The following MFHAS1 variants were observed in gnomAD, a reference collection of about 807,000 sequenced individuals.
The protein encoded by MFHAS1 is multifunctional ROCO family signaling regulator 1.
A neutral mutation model predicts 70.4 loss-of-function variants in MFHAS1; 50 were observed. The observed-to-expected ratio is 0.71, with a 90% confidence interval of 0.57 to 0.90. The LOEUF is 0.90. Ranked by LOEUF, MFHAS1 falls within the 40% of genes least tolerant of loss-of-function variation. The pLI is 0.00. For missense variants in MFHAS1, 1,795 were observed against 1,347.6 expected (o/e 1.33, Z -5.20); for synonymous variants, 952 against 620.0 (o/e 1.54, Z -7.96).
intron 1 of MFHAS1, among the ~76,000 whole-genome samples, chr8:8,809,942 T>C (rs1806485588): frequency 6.6e-6 from 1 of 152,248 alleles, no homozygotes; most frequent in African/African-American, 2.4e-5. Flanking sequence ...CTCCCCAACA[T>C]TCATTTTCCT....
intron 1 of MFHAS1, among the ~76,000 whole-genome samples, chr8:8,842,543 C>G (rs533678258): frequency 1.2e-4 from 18 of 152,236 alleles, no homozygotes; most frequent in African/African-American, 4.3e-4. Context: ...CTCACAACAT[C>G]AAAGTGACAC....
intron 1 of MFHAS1, among the ~76,000 whole-genome samples, chr8:8,879,675 T>C (rs938061267): frequency 6.6e-6 from 1 of 152,128 alleles, no homozygotes; most frequent in Non-Finnish European, 1.5e-5. Flanking sequence ...AATATGCAAA[T>C]GATTTTCTCC....
Position 8,891,853 on chromosome 8 carries a change from G to T in MFHAS1, c.1206C>A (p.Ser402=), listed in dbSNP as rs199627224. 2.5e-6 allele frequency: 4 copies of T among 1,612,732 alleles called. No individual in the cohort carries two copies. The highest frequency in any genetic ancestry group is 3.4e-6 in the Non-Finnish European group (4 of 1,179,658). Residue 402 remains serine, a synonymous_variant, in exon 1 of 3, where the codon TCC becomes TCA. Transcript: ENST00000276282. This position sits in a 1 kb window ranked among gnomAD's most constrained non-coding sequence, Gnocchi z 5.4. ...TGAGCCGGGGCTGCACCGCCGGCTGGGAATGAGCCAGTTCCTTCTGGTAGG... is the reference window on the plus strand; with the variant it reads ...TGAGCCGGGGCTGCACCGCCGGCTGTGAATGAGCCAGTTCCTTCTGGTAGG... The part of the protein sequence containing the change: ...IAAYQKELAH[S]QPAVQPRLKL...
chr8:8,879,809 C>G (rs778094074), intron 1 of MFHAS1, among the ~76,000 whole-genome samples: 5 of 152,208 alleles, frequency 3.3e-5, no homozygotes, highest in Non-Finnish European at 7.3e-5. Flanking sequence ...GTACAAACTT[C>G]TGTATAGAGC....
intron 2 of MFHAS1, among the ~76,000 whole-genome samples, chr8:8,792,372 G>A (rs1027110913): frequency 7.9e-5 from 12 of 152,190 alleles, no homozygotes; most frequent in African/African-American, 1.4e-4. Context: ...AGGCCAAGGC[G>A]GGCAGATTAT....
chr8:8,840,607 G>A (rs1585045703), intron 1 of MFHAS1, among the ~76,000 whole-genome samples: 2 of 152,054 alleles, frequency 1.3e-5, no homozygotes, highest in Non-Finnish European at 2.9e-5. Flanking sequence ...CACTGTACAC[G>A]AAAGCAAAAG....
chr8:8,795,312 A>T (rs1422232670), intron 2 of MFHAS1, among the ~76,000 whole-genome samples: 1 of 152,244 alleles, frequency 6.6e-6, no homozygotes, highest in Non-Finnish European at 1.5e-5. Flanking sequence ...CAAAGAAATT[A>T]AAAGAGAAAC....
At chr8:8,862,793 C>T (rs886481377) in intron 1 of MFHAS1, among the ~76,000 whole-genome samples, 2 of 152,122 alleles carry the variant, frequency 1.3e-5, no homozygotes, top group South Asian at 2.1e-4. Context: ...GGGGATGCTA[C>T]TAATGGAGGA....
intron 2 of MFHAS1, among the ~76,000 whole-genome samples, chr8:8,788,214 A>G (rs1303101615): frequency 6.6e-6 from 1 of 152,264 alleles, no homozygotes; most frequent in Non-Finnish European, 1.5e-5. Flanking sequence ...TCTGGAGGGC[A>G]GGATTTGATT....
In MFHAS1 at chr8:8,803,516, C is replaced by CA. The variant is rs34602481; in HGVS notation, c.2999-6026dup. On this transcript the variant is annotated intron_variant, in intron 1 of 2. Transcript: ENST00000276282. ...TGGGCGACAGAGCAAGACCCTGTCTCAAAAAAAAAAAAAAAGAAAGAAAAA... is the reference window on the plus strand; with the variant it reads ...TGGGCGACAGAGCAAGACCCTGTCTCAAAAAAAAAAAAAAAAGAAAGAAAAA... Among the ~76,000 whole-genome samples, 903 of 125,620 alleles carry CA rather than the reference C, an allele frequency of 7.2e-3. 9 individuals carry two copies. The highest frequency in any genetic ancestry group is 0.026 in the African/African-American group (827 of 31,582). The allele number at this position is 125,620 out of a possible 152,430, so 82.4% of individuals were successfully genotyped here.
rs780991918 is a variant in MFHAS1 at position 8,890,303 on chromosome 8, T to C, written c.2756A>G (p.Tyr919Cys). 3.7e-6 allele frequency: 6 copies of C among 1,614,196 alleles called. No individual in the cohort carries two copies. The highest frequency in any genetic ancestry group is 1.1e-5 in the South Asian group (1 of 91,088). The change falls in exon 1 of 3, where the codon TAT becomes TGT. Residue 919 changes from tyrosine to cysteine, a missense_variant. Transcript: ENST00000276282. Reference sequence around the variant, plus strand: ...CACAACCACAGGAACTTTCCCTCTATAGGCAAAGATCTGAAATTTACCATC... The same window carrying C: ...CACAACCACAGGAACTTTCCCTCTACAGGCAAAGATCTGAAATTTACCATC... ...RSDGKFQIFAYRGKVPVVVSY... is the reference protein window; with the variant it reads ...RSDGKFQIFACRGKVPVVVSY...
chr8:8,823,225 T>C (rs558709589), intron 1 of MFHAS1, among the ~76,000 whole-genome samples: 3 of 152,216 alleles, frequency 2.0e-5, no homozygotes, highest in African/African-American at 7.2e-5. Context: ...ACTGTAAATG[T>C]TTATTTGCAA....
At chr8:8,867,651 G>A (rs535491615) in intron 1 of MFHAS1, among the ~76,000 whole-genome samples, 22 of 151,354 alleles carry the variant, frequency 1.5e-4, no homozygotes, top group Non-Finnish European at 2.5e-4. Flanking sequence ...TCCGCCTCCC[G>A]GGTTCATGCC....
At chr8:8,863,231 G>A (rs758094479) in intron 1 of MFHAS1, among the ~76,000 whole-genome samples, 7 of 152,220 alleles carry the variant, frequency 4.6e-5, no homozygotes, top group African/African-American at 1.2e-4. Flanking sequence ...TACTATAGCC[G>A]GAAAGTAAGC....
chr8:8,806,947 C>A (rs1028362516), intron 1 of MFHAS1, among the ~76,000 whole-genome samples: 4 of 151,738 alleles, frequency 2.6e-5, no homozygotes, highest in Non-Finnish European at 5.9e-5. Context: ...GGGGACACAG[C>A]CAGACTCTGT....
At position 8,892,444 on chromosome 8, in the gene MFHAS1, G is replaced by A. The variant is rs754379685; in HGVS notation, c.615C>T (p.Ala205=). 3.7e-6 allele frequency: 6 copies of A among 1,611,884 alleles called. No homozygotes were observed. The highest frequency in any genetic ancestry group is 8.5e-7 in the Non-Finnish European group (1 of 1,179,208). The change falls in exon 1 of 3, where the codon GCC becomes GCT. Residue 205 remains alanine (A), a synonymous_variant. Coordinates refer to ENST00000276282, the MANE Select transcript of MFHAS1 (RefSeq NM_004225.3). This position sits in a 1 kb window ranked among gnomAD's most constrained non-coding sequence, Gnocchi z 4.7. ...AFPRQLLQLV[A]LEELDVSSNR... ...TGCTGGACACGTCCAGCTCCTCCAG[G>A]GCCACCAGCTGCAGCAGCTGCCGGG...
intron 1 of MFHAS1, among the ~76,000 whole-genome samples, chr8:8,855,544 C>A (rs962638743): frequency 6.6e-6 from 1 of 152,126 alleles, no homozygotes; most frequent in Non-Finnish European, 1.5e-5. Flanking sequence ...ATTCTTTAAT[C>A]CTGATTCATG....
intron 1 of MFHAS1, among the ~76,000 whole-genome samples, chr8:8,852,392 T>C (rs932900355): frequency 2.0e-5 from 3 of 152,018 alleles, no homozygotes; most frequent in Admixed American, 2.0e-4. Flanking sequence ...GAGAATCGCT[T>C]GAACCTGGGA....
intron 1 of MFHAS1, among the ~76,000 whole-genome samples, chr8:8,812,507 C>G (rs1165242182): frequency 1.3e-5 from 2 of 152,192 alleles, no homozygotes; most frequent in Non-Finnish European, 2.9e-5. Flanking sequence ...AATGACAGGG[C>G]TTGCCTCCTT....
Sources: allele counts gnomAD v4.1 joint callset (sites outside exome capture counted in the v4.1 genomes callset), GRCh38; gene constraint gnomAD v4.1.1; non-coding constraint Gnocchi (gnomAD v3.1); transcripts MANE v1.5; gene names NCBI Gene and HGNC (gene_info 2026-07-23, HGNC 2026-07-21).